The following RYK variants were observed in gnomAD, a reference collection of about 807,000 sequenced individuals.
The protein encoded by RYK is receptor like tyrosine kinase.
Under a neutral mutation model 70.2 loss-of-function variants are expected in RYK, and 21 were observed. That is an observed-to-expected ratio of 0.30 (90% CI 0.21 to 0.43). The LOEUF (loss-of-function observed/expected upper bound fraction) is 0.43. Ranked by LOEUF, RYK falls within the 20% of genes least tolerant of loss-of-function variation. RYK has a pLI of 1.00. For missense variants in RYK, 604 were observed against 753.3 expected (o/e 0.80, Z 2.32); for synonymous variants, 267 against 278.0 (o/e 0.96, Z 0.39).
intron 13 of RYK, among the ~76,000 whole-genome samples, chr3:134,164,571 T>C (rs577662261): frequency 1.3e-5 from 2 of 152,248 alleles, no homozygotes; most frequent in Non-Finnish European, 2.9e-5. Context: ...TCATCTGTGA[T>C]GTAGCATGTA....
chr3:134,175,862 C>G, intron 12 of RYK, 68 bp downstream of exon 12: 3 of 1,550,286 alleles, frequency 1.9e-6, no homozygotes, highest in Non-Finnish European at 2.7e-6. Flanking sequence ...CCCACTGTGA[C>G]TCGCAGAGAA....
At chr3:134,206,918 T>G (rs1290370313) in intron 5 of RYK, among the ~76,000 whole-genome samples, 1 of 152,136 alleles carries the variant, frequency 6.6e-6, no homozygotes. Context: ...TCTAGTATCC[T>G]TTTAAGATAC....
At chr3:134,202,635 T>C (rs2014060319) in intron 6 of RYK, 95 bp downstream of exon 6, 1 of 1,035,916 alleles carries the variant, frequency 9.7e-7, no homozygotes, top group Non-Finnish European at 1.4e-6. Flanking sequence ...TCCTCCCTCC[T>C]TTCCCTGCAC....
rs770062508 is a variant in RYK, at chr3:134,159,337, G to C, written c.1612C>G (p.Leu538Val). Residue 538 changes from leucine (L) to valine (V), a missense_variant, in exon 14 of 15, where the codon CTG becomes GTG. Around this residue, in one of 2 missense-constraint regions of RYK, gnomAD observed 138 missense variants for 217.4 expected, o/e 0.63. Coordinates refer to ENST00000623711, the MANE Select transcript of RYK (RefSeq NM_002958.4). The stretch of plus-strand genomic sequence containing the variant: ...ATGTCCACGTAGGGAGTCTGGCCCA[G>C]AGTCATGAGTTCCCACAGCGTCACT... ...FGVTLWELMTLGQTPYVDIDP... is the reference protein window; with the variant it reads ...FGVTLWELMTVGQTPYVDIDP... 1 of 1,613,470 alleles carries C rather than the reference G, an allele frequency of 6.2e-7. No homozygotes were observed.
intron 8 of RYK, among the ~76,000 whole-genome samples, chr3:134,190,182 T>A (rs2013601476): frequency 6.6e-6 from 1 of 152,164 alleles, no homozygotes; most frequent in Admixed American, 6.5e-5. Flanking sequence ...TGAGTAAATA[T>A]CTTCAAACAC....
At chr3:134,209,657 A>C (rs776877061) in intron 4 of RYK, 38 bp downstream of exon 4, 26 of 1,349,878 alleles carry the variant, frequency 1.9e-5, no homozygotes, top group Non-Finnish European at 2.5e-5. Context: ...ACCTTCTCAC[A>C]TACATGTAAA....
chr3:134,200,212 A>G (rs2013958934), intron 6 of RYK, among the ~76,000 whole-genome samples: 1 of 151,670 alleles, frequency 6.6e-6, no homozygotes, highest in Non-Finnish European at 1.5e-5. Context: ...GCTGCTGCTC[A>G]CTCTTTGGGT....
chr3:134,216,564 G>A (rs564819017), intron 2 of RYK, among the ~76,000 whole-genome samples: 13 of 151,986 alleles, frequency 8.6e-5, no homozygotes, highest in African/African-American at 2.2e-4. Flanking sequence ...AGGCTGAGGC[G>A]GGTGGATCAC....
Position 134,239,878 on chromosome 3 carries a change from C to T in RYK, c.232+10545G>A, listed in dbSNP as rs563409168. 2.0e-5 allele frequency among the ~76,000 whole-genome samples: 3 copies of T among 152,256 alleles called. No individual in the cohort carries two copies. The South Asian group carries it at 6.2e-4, about 32-fold the overall frequency. ...AAGATGAGCCTCTCTGGGGAATTGACATTTTAAGTTGAGATCTAGAAAGTA... is the reference window on the plus strand; with the variant it reads ...AAGATGAGCCTCTCTGGGGAATTGATATTTTAAGTTGAGATCTAGAAAGTA... On this transcript the variant is annotated intron_variant, in intron 1 of 14. Transcript: ENST00000623711.
intron 10 of RYK, among the ~76,000 whole-genome samples, chr3:134,182,124 T>A (rs1284252651): frequency 6.7e-6 from 1 of 150,066 alleles, no homozygotes; most frequent in African/African-American, 2.5e-5. Context: ...CACTGCACTC[T>A]AGCCTGGGTG....
Position 134,188,914 on chromosome 3 carries a change from C to A in RYK, c.1025G>T (p.Gly342Val). 1 of 1,537,392 alleles carries A rather than the reference C, an allele frequency of 6.5e-7. No homozygotes were observed. The highest frequency in any genetic ancestry group is 1.2e-5 in the South Asian group (1 of 85,276). The change falls in exon 9 of 15, where the codon GGG (glycine) becomes GTG (valine). Residue 342 changes from glycine to valine, a missense_variant. By Grantham distance (109) the Gly-to-Val change is moderately radical. This residue lies in a region of RYK where 466 missense variants were observed against 535.9 expected (regional missense o/e 0.87). Transcript: ENST00000623711. ...LKDVLQEGTF[G>V]RIFHGILIDE... ...TATTAAAATCCCATGGAAAATACGC[C>A]CAAAAGTACCTAAAAGGAAAAGTAA...
chr3:134,189,596 TAAAAATACAAAA>T (rs1472332169), intron 8 of RYK, among the ~76,000 whole-genome samples: 1 of 150,852 alleles, frequency 6.6e-6, no homozygotes, highest in African/African-American at 2.4e-5. Flanking sequence ...CCGTCTCTAC[TAAAAATACAAAA>T]AAAAATACAA....
intron 2 of RYK, among the ~76,000 whole-genome samples, chr3:134,218,202 T>A (rs758748165): frequency 2.0e-5 from 3 of 152,054 alleles, no homozygotes; most frequent in Non-Finnish European, 4.4e-5. Context: ...CTTCCAGAAA[T>A]AGAAAAGTCA....
intron 1 of RYK, among the ~76,000 whole-genome samples, chr3:134,243,772 A>T (rs2015383896): frequency 6.6e-6 from 1 of 152,116 alleles, no homozygotes; most frequent in African/African-American, 2.4e-5. Context: ...TAAACTCTCT[A>T]AGCCTGTCTC....
At position 134,182,999 on chromosome 3, in the gene RYK, C is replaced by T; in HGVS notation, c.1172+3G>A. The T allele has an allele frequency of 2.5e-6, 4 of 1,575,178 alleles. No homozygotes were observed. Among genetic ancestry groups the T allele is most frequent in the South Asian group, 2.4e-5 (2 of 84,464 alleles). ...CTGAAATGCTGGTGGTTTCTCCTCT[C>T]ACCTGTGATGAAGACCTCGCAGCTT... On this transcript the variant is annotated splice_donor_region_variant and intron_variant, in intron 10 of 14. Transcript: ENST00000623711.
chr3:134,235,599 G>C (rs182600398), intron 1 of RYK, among the ~76,000 whole-genome samples: 5 of 151,916 alleles, frequency 3.3e-5, no homozygotes, highest in African/African-American at 1.2e-4. Flanking sequence ...AATTAAAAGA[G>C]AAAAGCAAAA....
intron 5 of RYK, 127 bp from the exon 6 acceptor site, chr3:134,203,001 CA>C: frequency 1.4e-6 from 1 of 706,484 alleles, no homozygotes; most frequent in Non-Finnish European, 2.3e-6. Flanking sequence ...TTACCAGTAG[CA>C]TATTGGTGGA....
chr3:134,238,707 G>T (rs1273735635), intron 1 of RYK, among the ~76,000 whole-genome samples: 4 of 152,140 alleles, frequency 2.6e-5, no homozygotes, highest in Admixed American at 1.3e-4. Flanking sequence ...TACAAGCAAG[G>T]ACACTGAAAC....
Position 134,158,191 on chromosome 3 carries a change from G to A in RYK, c.1786C>T (p.Leu596=). ...RPKFQQLVQC[L]TEFHAALGAY... is the part of the protein sequence containing the mutation. ...CCCAGGGCTGCATGAAACTCTGTTA[G>A]GCACTGTACCAGCTGCTGAAACTTG... The change falls in exon 15 of 15, where the codon CTA becomes TTA. Residue 596 remains leucine, a synonymous_variant. Coordinates refer to ENST00000623711, the MANE Select transcript of RYK (RefSeq NM_002958.4). 6.4e-7 allele frequency: 1 copy of A among 1,568,560 alleles called. No individual in the cohort carries two copies. Among genetic ancestry groups the A allele is most frequent in the South Asian group, 1.2e-5 (1 of 83,220 alleles).
Sources: gnomAD v4.1 joint callset for allele counts (sites outside exome capture counted in the v4.1 genomes callset) on GRCh38, gnomAD v4.1.1 for gene constraint, gnomAD v4.1.1 regional missense constraint, MANE v1.5 for transcripts, NCBI Gene and HGNC (gene_info 2026-07-23, HGNC 2026-07-21) for gene names.